CDH13: variants seen among roughly 807,000 people sequenced by gnomAD.
The protein encoded by CDH13 is cadherin 13.
CDH13 carries 24 observed loss-of-function variants against 63.8 expected under a neutral mutation model. That is an observed-to-expected ratio of 0.38 (90% CI 0.27 to 0.53). The LOEUF (loss-of-function observed/expected upper bound fraction) is 0.53, where lower values mean the gene tolerates loss of function less well. CDH13 is among the 20% of genes least tolerant of loss of function. CDH13 has a pLI of 0.85. For synonymous variants in CDH13, 503 were observed against 355.3 expected (o/e 1.42, Z -4.67); for missense variants, 1,049 against 903.1 (o/e 1.16, Z -2.07).
chr16:83,382,673 C>T (rs753872569), intron 6 of CDH13, among the ~76,000 whole-genome samples: 2 of 152,086 alleles, frequency 1.3e-5, no homozygotes, highest in Non-Finnish European at 2.9e-5. Flanking sequence ...TTTTTCTAGC[C>T]CTCCTACCTT....
Position 82,929,394 on chromosome 16 carries a change from C to T in CDH13, c.157+70921C>T, listed in dbSNP as rs1005839290. Among the ~76,000 whole-genome samples the T allele has an allele frequency of 3.3e-5, 5 of 152,050 alleles. No homozygotes were observed. The East Asian group carries it at 7.7e-4, about 24-fold the overall frequency. Reference sequence around the variant, plus strand: ...AGACAGCCATTGCCTGTAATCCCAGCACTTTGGGAGGCTGAGGCGGGGTGG... The same window carrying T: ...AGACAGCCATTGCCTGTAATCCCAGTACTTTGGGAGGCTGAGGCGGGGTGG... On this transcript the variant is annotated intron_variant, in intron 2 of 13. Coordinates refer to ENST00000567109, the MANE Select transcript of CDH13 (RefSeq NM_001257.5).
rs566748411 is a variant in CDH13 at position 83,660,344 on chromosome 16, C to G, written c.1102-10446C>G. Among the ~76,000 whole-genome samples, 15 of 152,272 alleles carry G rather than the reference C, an allele frequency of 9.9e-5. No individual in the cohort carries two copies. The South Asian group carries it at 1.2e-3, about 13-fold the overall frequency. On this transcript the variant is annotated intron_variant, in intron 8 of 13. Transcript: ENST00000567109. ...GTGATAGTAGACAATGATAGATCATCAAGTATTAGATTCTCATGAGGAATA... is the reference window on the plus strand; with the variant it reads ...GTGATAGTAGACAATGATAGATCATGAAGTATTAGATTCTCATGAGGAATA...
chr16:82,842,091 C>CATATATATATATATATATGTATATATAT (rs2039030529), intron 1 of CDH13, among the ~76,000 whole-genome samples: 1 of 41,676 alleles, frequency 2.4e-5, no homozygotes, highest in Non-Finnish European at 5.7e-5. Flanking sequence ...TTGCATTCTA[C>CATATATATATATATATATGTATATATAT]ATATATATAT....
rs1307586850 is a variant in CDH13, at chr16:83,752,719, T to G, written c.1681+4469T>G. Among the ~76,000 whole-genome samples, 5 of 152,358 alleles carry G rather than the reference T, an allele frequency of 3.3e-5. No homozygotes were observed. In the East Asian group the frequency reaches 9.7e-4, roughly 29 times the overall value. ...GTAACTGTGAAAGCTTCTCACAGACTGTGAGTCTCATTTTCTACATATACA... is the reference window on the plus strand; with the variant it reads ...GTAACTGTGAAAGCTTCTCACAGACGGTGAGTCTCATTTTCTACATATACA... On this transcript the variant is annotated intron_variant, in intron 11 of 13. Coordinates refer to ENST00000567109, the MANE Select transcript of CDH13 (RefSeq NM_001257.5).
At chr16:83,620,690 C>A (rs2150777031) in intron 8 of CDH13, among the ~76,000 whole-genome samples, 2 of 152,294 alleles carry the variant, frequency 1.3e-5, no homozygotes, top group South Asian at 4.2e-4. Flanking sequence ...TCTTGTTGTC[C>A]CTCCACGTAG....
At chr16:83,337,586 C>G (rs913519868) in intron 5 of CDH13, among the ~76,000 whole-genome samples, 1 of 136,244 alleles carries the variant, frequency 7.3e-6, no homozygotes, top group African/African-American at 2.8e-5. Context: ...CCATATTATT[C>G]ACTGTTGTCA....
At chr16:83,380,341 A>C (rs191908284) in intron 6 of CDH13, among the ~76,000 whole-genome samples, 3 of 152,170 alleles carry the variant, frequency 2.0e-5, no homozygotes, top group Admixed American at 6.6e-5. Flanking sequence ...TAAAATTCCC[A>C]AAATATGAAA....
At chr16:83,483,019 C>A (rs1185447659) in intron 6 of CDH13, among the ~76,000 whole-genome samples, 4 of 152,152 alleles carry the variant, frequency 2.6e-5, no homozygotes, top group African/African-American at 9.7e-5. Context: ...GTACCAAGTT[C>A]TGAAAATAGG....
intron 2 of CDH13, among the ~76,000 whole-genome samples, chr16:82,881,569 G>A (rs941878526): frequency 6.6e-5 from 10 of 152,202 alleles, no homozygotes; most frequent in Non-Finnish European, 1.2e-4. Context: ...AACCCATAGA[G>A]GACTGACAGG....
chr16:83,253,536 C>G (rs1905843827), intron 5 of CDH13, among the ~76,000 whole-genome samples: 1 of 152,222 alleles, frequency 6.6e-6, no homozygotes, highest in Admixed American at 6.5e-5. Context: ...AACGTGAAAG[C>G]TGGCTGAGCT....
chr16:83,044,412 C>G (rs1917594587), intron 3 of CDH13, among the ~76,000 whole-genome samples: 1 of 152,152 alleles, frequency 6.6e-6, no homozygotes, highest in Non-Finnish European at 1.5e-5. Context: ...AGCAAAACTC[C>G]TAAAGAAATT....
intron 1 of CDH13, among the ~76,000 whole-genome samples, chr16:82,682,139 C>T (rs1459792256): frequency 6.6e-6 from 1 of 152,320 alleles, no homozygotes; most frequent in Non-Finnish European, 1.5e-5. Flanking sequence ...CATTTTGCCT[C>T]TCTTGTTCCC....
chr16:83,512,427 T>G (rs909857687), intron 7 of CDH13, among the ~76,000 whole-genome samples: 7 of 150,520 alleles, frequency 4.7e-5, no homozygotes, highest in Admixed American at 4.0e-4. Context: ...TCCCAGCACT[T>G]TGGGAGGCCG....
At chr16:83,088,762 C>T (rs2033741182) in intron 3 of CDH13, among the ~76,000 whole-genome samples, 1 of 152,120 alleles carries the variant, frequency 6.6e-6, no homozygotes, top group Admixed American at 6.5e-5. Context: ...ATGCTTCAAG[C>T]AAATAAATGA....
At chr16:82,937,776 G>A (rs1421495631) in intron 2 of CDH13, among the ~76,000 whole-genome samples, 2 of 152,148 alleles carry the variant, frequency 1.3e-5, no homozygotes, top group Non-Finnish European at 2.9e-5. Flanking sequence ...CTATTTTATA[G>A]CAGAGCTTAT....
rs978203753 is a variant in CDH13 at position 83,800,369 on chromosome 16, C to T, written c.*5339C>T. 13 of 152,212 alleles carry T rather than the reference C, an allele frequency of 8.5e-5. No individual in the cohort carries two copies. Among genetic ancestry groups the T allele is most frequent in the African/African-American group, 2.9e-4 (12 of 41,448 alleles). 9.4% of individuals were successfully genotyped at this position (152,212 alleles called of 1,614,324 possible). A position where few individuals can be genotyped will look rare whatever the true frequency, so the allele number is the denominator to read the frequency against. The stretch of plus-strand genomic sequence containing the variant: ...ATCTGTGTTGTCATGCACATGTCAA[C>T]ACTGTCCTGATGACAAAATTTTATG... On this transcript the variant is annotated 3_prime_UTR_variant, in exon 14 of 14. Coordinates refer to ENST00000567109, the MANE Select transcript of CDH13 (RefSeq NM_001257.5).
intron 5 of CDH13, among the ~76,000 whole-genome samples, chr16:83,260,127 C>CACACAG (rs1297349449): frequency 6.6e-6 from 1 of 150,862 alleles, no homozygotes; most frequent in Non-Finnish European, 1.5e-5. Flanking sequence ...CACACACACA[C>CACACAG]ACACACACAC....
intron 10 of CDH13, among the ~76,000 whole-genome samples, chr16:83,720,285 G>A (rs1909515171): frequency 6.6e-6 from 1 of 151,708 alleles, no homozygotes; most frequent in Non-Finnish European, 1.5e-5. Context: ...GCACCCACAT[G>A]CAAGTACTCA....
intron 8 of CDH13, among the ~76,000 whole-genome samples, chr16:83,656,056 A>T (rs1912840961): frequency 6.6e-6 from 1 of 152,176 alleles, no homozygotes; most frequent in Non-Finnish European, 1.5e-5. Context: ...CCCGAGGGGA[A>T]ACTTTACACC....
Sources: gnomAD v4.1 joint callset for allele counts (sites outside exome capture counted in the v4.1 genomes callset) on GRCh38, gnomAD v4.1.1 for gene constraint, MANE v1.5 for transcripts, NCBI Gene and HGNC (gene_info 2026-07-23, HGNC 2026-07-21) for gene names.